GPR137: variants seen among roughly 807,000 people sequenced by gnomAD.
GPR137 encodes G protein-coupled receptor 137, also known as integral membrane protein GPR137.
In GPR137, 20 loss-of-function variants were observed where a neutral mutation model predicts 38.9. The observed-to-expected ratio is 0.51, with a 90% CI of 0.36 to 0.75. The LOEUF (loss-of-function observed/expected upper bound fraction) is 0.75, where lower values mean the gene tolerates loss of function less well. GPR137 is among the 30% of genes least tolerant of loss of function. The pLI, the probability that GPR137 is intolerant of heterozygous loss-of-function variation, is 0.00. For synonymous variants in GPR137, 226 were observed against 235.8 expected (o/e 0.96, Z 0.38); for missense variants, 456 against 526.4 (o/e 0.87, Z 1.31).
upstream of GPR137, chr11:64,285,573 G>A: frequency 1.0e-6 from 1 of 984,146 alleles, no homozygotes; most frequent in African/African-American, 1.7e-5. Context: ...GGGTATAGGA[G>A]AGAGGAGCGT....
chr11:64,287,965 T>A lies in GPR137; in HGVS notation c.633+19T>A. 1 of 1,601,172 alleles carries A rather than the reference T, an allele frequency of 6.2e-7. No homozygotes were observed. Among genetic ancestry groups the A allele is most frequent in the East Asian group, 2.2e-5 (1 of 44,874 alleles). ...GGCCAAGGTAGGGCTGCAGCACTGA[T>A]GCCCAGGTGTCTTTTGGGTCTCTCG... On this transcript the variant is annotated intron_variant, in intron 3 of 6. Transcript: ENST00000438980.
At position 64,288,169 on chromosome 11, in the gene GPR137, C is replaced by T. The variant is rs757643231; in HGVS notation, c.738C>T (p.Ser246=). The change falls in exon 4 of 7, where the codon AGC becomes AGT. Residue 246 remains serine (S), a synonymous_variant. Coordinates refer to ENST00000438980, the MANE Select transcript of GPR137 (RefSeq NM_001170880.2). This position sits in a 1 kb window ranked among gnomAD's most constrained non-coding sequence, Gnocchi z 5.5. ...NLTALALAPQ[S]RLDTFDYDWY... ...CAGCACTGGCCTTGGCCCCCCAGAG[C>T]CGGCTGGACACCTTCGATTACGACT... is the stretch of plus-strand genomic sequence containing the variant. The T allele has an allele frequency of 1.4e-5, 22 of 1,613,078 alleles. No individual in the cohort carries two copies. In the South Asian group the frequency reaches 2.1e-4, roughly 15 times the overall value.
upstream of GPR137, among the ~76,000 whole-genome samples, chr11:64,282,874 G>A (rs866480354): frequency 2.1e-4 from 29 of 140,422 alleles, no homozygotes; most frequent in Admixed American, 5.2e-4. Context: ...GTGAGACTCC[G>A]TCTCAGGAAA....
At chr11:64,276,761 T>G (rs1591154713) in intron 2 of GPR137, 1 of 593,136 alleles carries the variant, frequency 1.7e-6, no homozygotes, top group Non-Finnish European at 3.0e-6. Flanking sequence ...AGGGAAGGGG[T>G]GTGGCTCCTC....
At chr11:64,276,677 G>C (rs1417755888) in intron 2 of GPR137, 5 of 528,768 alleles carry the variant, frequency 9.5e-6, no homozygotes, top group Non-Finnish European at 1.7e-5. Context: ...AACCCTGGGG[G>C]AGTGTCTGTG....
chr11:64,284,615 G>C (rs568391428), upstream of GPR137: 1 of 1,503,702 alleles, frequency 6.7e-7, no homozygotes, highest in Non-Finnish European at 8.9e-7. Flanking sequence ...CCGTGGTGAC[G>C]GCGCACAGGT....
chr11:64,286,904 G>T (rs769690764), intron 1 of GPR137, 23 bp downstream of exon 1: 14 of 1,599,750 alleles, frequency 8.8e-6, no homozygotes, highest in Middle Eastern at 1.6e-4. Context: ...GGTCCCGGGT[G>T]GGGGGCGGGA....
upstream of GPR137, among the ~76,000 whole-genome samples, chr11:64,274,369 AGAGTGAAACTCTACCTC>A (rs1259322457): frequency 6.7e-6 from 1 of 149,238 alleles, no homozygotes; most frequent in Admixed American, 6.7e-5. Context: ...CCTGGGTGAC[AGAGTGAAACTCTACCTC>A]GAGAAAAAAA....
chr11:64,280,358 A>ATAT (rs1555069795), upstream of GPR137, among the ~76,000 whole-genome samples: 2 of 132,328 alleles, frequency 1.5e-5, no homozygotes, highest in East Asian at 2.2e-4. Flanking sequence ...AATAATAATA[A>ATAT]TTTTTTTTTT....
Position 64,288,124 on chromosome 11 carries a change from C to G in GPR137, c.693C>G (p.Ser231Arg). The G allele has an allele frequency of 6.2e-7, 1 of 1,612,646 alleles. No homozygotes were observed. Among genetic ancestry groups the G allele is most frequent in the Non-Finnish European group, 8.5e-7 (1 of 1,179,990 alleles). ...GCGCCATGGTCCTGCTCTATGCCAG[C>G]CGGGCCTGCTACAACCTGACAGCAC... ...MGGAMVLLYA[S>R]RACYNLTALA... Residue 231 changes from serine (S) to arginine (R), a missense_variant, in exon 4 of 7, where the codon AGC (serine) becomes AGG (arginine). Ser to Arg is a moderately radical substitution (Grantham distance 110). Coordinates refer to ENST00000438980, the MANE Select transcript of GPR137 (RefSeq NM_001170880.2). This position sits in a 1 kb window ranked among gnomAD's most constrained non-coding sequence, Gnocchi z 5.5.
chr11:64,279,078 C>T (rs1344403664), intron 2 of GPR137, among the ~76,000 whole-genome samples: 1 of 152,120 alleles, frequency 6.6e-6, no homozygotes, highest in African/African-American at 2.4e-5. Context: ...TTACTCCTGT[C>T]CTCTGCCACT....
In GPR137 at chr11:64,289,450, CCT is replaced by C; in HGVS notation, c.*258_*259del. The C allele has an allele frequency of 6.6e-7, 1 of 1,509,478 alleles. No homozygotes were observed. Among genetic ancestry groups the C allele is most frequent in the African/African-American group, 1.4e-5 (1 of 71,834 alleles). 93.5% of individuals were successfully genotyped at this position (1,509,478 alleles called of 1,614,324 possible). On this transcript the variant is annotated 3_prime_UTR_variant, in exon 7 of 7. Transcript: ENST00000438980. ...TCTGCTTCCACACCGGAGCCAGCTA[CCT>C]CTCCTGTGCCTGCCACTCAATAAAC...
upstream of GPR137, among the ~76,000 whole-genome samples, chr11:64,273,685 G>A (rs1228773436): frequency 6.6e-6 from 1 of 151,598 alleles, no homozygotes; most frequent in Admixed American, 6.6e-5. Context: ...TTTAAGACCA[G>A]ACTGACCAAG....
upstream of GPR137, chr11:64,271,917 G>T (rs1591133932): frequency 1.6e-5 from 13 of 798,976 alleles, no homozygotes; most frequent in East Asian, 4.0e-4. Flanking sequence ...TCTTCCAGGG[G>T]CGCATCACAG....
upstream of GPR137, among the ~76,000 whole-genome samples, chr11:64,279,575 G>A (rs1322145146): frequency 2.0e-5 from 3 of 151,672 alleles, no homozygotes; most frequent in Non-Finnish European, 4.4e-5. Context: ...GACCAGCCTG[G>A]CCAACATGGT....
chr11:64,286,991 T>C lies in GPR137; in HGVS notation c.384T>C (p.Arg128=). 1 of 1,613,764 alleles carries C rather than the reference T, an allele frequency of 6.2e-7. No homozygotes were observed. Among genetic ancestry groups the C allele is most frequent in the South Asian group, 1.1e-5 (1 of 91,070 alleles). The change falls in exon 2 of 7, where the codon CGT becomes CGC. Residue 128 remains arginine, a synonymous_variant. Transcript: ENST00000438980. ...AQVVFKAKVK[R]RPEMSRGLLA... is the part of the protein sequence containing the mutation. Reference sequence around the variant, plus strand: ...TGGTGTTCAAGGCCAAGGTGAAGCGTCGGCCGGAGATGAGCCGAGGCTTGT... The same window carrying C: ...TGGTGTTCAAGGCCAAGGTGAAGCGCCGGCCGGAGATGAGCCGAGGCTTGT...
At chr11:64,284,335 G>A, upstream of GPR137, 1 of 1,612,826 alleles carries the variant, frequency 6.2e-7, no homozygotes, top group Non-Finnish European at 8.5e-7. Flanking sequence ...GAGTCTTCCT[G>A]CTCACTCGGC....
At position 64,286,371 on chromosome 11, in the gene GPR137, AG is replaced by A. The variant is rs1291208976; in HGVS notation, c.-152del. 2.2e-4 allele frequency: 312 copies of A among 1,417,940 alleles called. 1 individual carries two copies. In the African/African-American group the frequency reaches 4.3e-3, roughly 19 times the overall value. The allele number at this position is 1,417,940 out of a possible 1,614,324, so 87.8% of individuals were successfully genotyped here. ...CCCAAGGGCAAGGGTCTCTCTGTTG[AG>A]GAGGAGGGGCCTGTCAGCCACAACT... On this transcript the variant is annotated 5_prime_UTR_variant, in exon 1 of 7. Transcript: ENST00000438980.
rs551209930 is a variant in GPR137 at position 64,287,554 on chromosome 11, C to T, written c.408-167C>T. On this transcript the variant is annotated intron_variant, in intron 2 of 6. Transcript: ENST00000438980. ...CCGAAGTACCATGGCTGTCAGTCAC[C>T]TTCTGACCTTTTTGGGCCTCAGTTT... 5 of 885,390 alleles carry T rather than the reference C, an allele frequency of 5.6e-6. No individual in the cohort carries two copies. In the African/African-American group the frequency reaches 9.0e-5, roughly 16 times the overall value. The allele number at this position is 885,390 out of a possible 1,614,324, so 54.8% of individuals were successfully genotyped here.
Sources: gnomAD v4.1 joint callset for allele counts (sites outside exome capture counted in the v4.1 genomes callset) on GRCh38, gnomAD v4.1.1 for gene constraint, Gnocchi (gnomAD v3.1) non-coding constraint, MANE v1.5 for transcripts, NCBI Gene and HGNC (gene_info 2026-07-23, HGNC 2026-07-21) for gene names.